The following LRFN2 variants were observed in gnomAD, a reference collection of about 807,000 sequenced individuals.
LRFN2 encodes leucine rich repeat and fibronectin type III domain containing 2.
A neutral mutation model predicts 37.3 loss-of-function variants in LRFN2; 18 were observed. That is an observed-to-expected ratio of 0.48 (90% confidence interval 0.33 to 0.72). The LOEUF is 0.72. Ranked by LOEUF, LRFN2 falls within the 30% of genes least tolerant of loss-of-function variation. The pLI is 0.02. For missense variants in LRFN2, 1,006 were observed against 1,060.7 expected, an observed-to-expected ratio of 0.95 and a Z score of 0.72; for synonymous variants, 556 against 466.6, an observed-to-expected ratio of 1.19 and a Z score of -2.47.
chr6:40,471,900 G>T (rs557997072), intron 1 of LRFN2, among the ~76,000 whole-genome samples: 43 of 152,292 alleles, frequency 2.8e-4, no homozygotes, highest in African/African-American at 1.0e-3. Flanking sequence ...GAGGGTGCCT[G>T]AGTGCCCAGA....
chr6:40,582,127 C>G (rs919121238), intron 1 of LRFN2, among the ~76,000 whole-genome samples: 2 of 152,134 alleles, frequency 1.3e-5, no homozygotes, highest in Non-Finnish European at 2.9e-5. Context: ...AAGAGGGAGC[C>G]TGCTCCTCTG....
chr6:40,580,714 C>T (rs1489969072), intron 1 of LRFN2, among the ~76,000 whole-genome samples: 1 of 152,146 alleles, frequency 6.6e-6, no homozygotes, highest in Non-Finnish European at 1.5e-5. Flanking sequence ...TTGAATGGCA[C>T]CCGCCCATGT....
At chr6:40,522,371 C>A (rs972971378) in intron 1 of LRFN2, among the ~76,000 whole-genome samples, 3 of 152,078 alleles carry the variant, frequency 2.0e-5, no homozygotes, top group African/African-American at 7.2e-5. Context: ...GCCAATTTTG[C>A]AAGAAGAAAA....
At chr6:40,563,358 C>T (rs1414324499) in intron 1 of LRFN2, among the ~76,000 whole-genome samples, 1 of 152,156 alleles carries the variant, frequency 6.6e-6, no homozygotes, top group Non-Finnish European at 1.5e-5. Flanking sequence ...CTCTGGGGGG[C>T]CCTCCAGGGT....
In LRFN2 at chr6:40,392,506, C is replaced by A. The variant is rs777460902; in HGVS notation, c.1807G>T (p.Val603Leu). ...AAGTCCAGGAGCTCGTTGCGCACCACCACCTTCGGCGGGCCCTGCGGCGGG... is the reference window on the plus strand; with the variant it reads ...AAGTCCAGGAGCTCGTTGCGCACCAACACCTTCGGCGGGCCCTGCGGCGGG... ...GAPPQGPPKV[V>L]VRNELLDFTA... The change falls in exon 3 of 3, where the codon GTG becomes TTG. Residue 603 changes from valine to leucine, a missense_variant. By Grantham distance (32) the Val-to-Leu change is conservative. Transcript: ENST00000338305. This position sits in a 1 kb window ranked among gnomAD's most constrained non-coding sequence, Gnocchi z 4.7. The A allele has an allele frequency of 4.4e-6, 7 of 1,586,032 alleles. No individual in the cohort carries two copies. The highest frequency in any genetic ancestry group is 6.0e-6 in the Non-Finnish European group (7 of 1,167,946).
rs1432422549 is a variant in LRFN2, at chr6:40,496,241, A to G, written c.-18-63110T>C. Among the ~76,000 whole-genome samples the G allele has an allele frequency of 3.3e-5, 5 of 151,942 alleles. No individual in the cohort carries two copies. The East Asian group carries it at 5.8e-4, about 18-fold the overall frequency. On this transcript the variant is annotated intron_variant, in intron 1 of 2. Coordinates refer to ENST00000338305, the MANE Select transcript of LRFN2 (RefSeq NM_020737.3). ...CTGGTCCATGTCACCATCCTCTCTC[A>G]CTTGGACCACATTAATCTTCTAATT...
At chr6:40,508,547 C>T (rs1344446384) in intron 1 of LRFN2, among the ~76,000 whole-genome samples, 3 of 152,220 alleles carry the variant, frequency 2.0e-5, no homozygotes, top group Non-Finnish European at 2.9e-5. Flanking sequence ...CAGGAGCCCA[C>T]TTAGATTCAA....
In LRFN2 at chr6:40,572,085, C is replaced by T. The variant is rs929751778; in HGVS notation, c.-19+14856G>A. ...TTCTGCTCCCACGCTTTGCTAACAG[C>T]GTGATGGTTGAGGGTGTAGGGCCAA... On this transcript the variant is annotated intron_variant, in intron 1 of 2. Transcript: ENST00000338305. Among the ~76,000 whole-genome samples the T allele has an allele frequency of 1.4e-4, 21 of 152,324 alleles. No individual in the cohort carries two copies. The East Asian group carries it at 2.1e-3, about 15-fold the overall frequency.
intron 1 of LRFN2, among the ~76,000 whole-genome samples, chr6:40,464,356 G>T (rs546205297): frequency 1.6e-4 from 25 of 152,328 alleles, no homozygotes; most frequent in African/African-American, 5.8e-4. Context: ...ATGCAACAAT[G>T]TTGAGAGTTG....
Position 40,431,731 on chromosome 6 carries a change from A to G in LRFN2, c.1383T>C (p.Asp461=). Residue 461 remains aspartate (D), a synonymous_variant, in exon 2 of 3, where the codon GAT becomes GAC. Coordinates refer to ENST00000338305, the MANE Select transcript of LRFN2 (RefSeq NM_020737.3). The part of the protein sequence containing the change: ...MYQLQYNCSD[D]EVLIYRMIPA... Reference sequence around the variant, plus strand: ...TTGCTCACCTGTAAATCAGTACCTCATCGTCAGAGCAGTTGTACTGCAGCT... The same window carrying G: ...TTGCTCACCTGTAAATCAGTACCTCGTCGTCAGAGCAGTTGTACTGCAGCT... 3.3e-6 allele frequency: 5 copies of G among 1,515,502 alleles called. No homozygotes were observed. The Admixed American group carries it at 6.7e-5, about 20-fold the overall frequency. 93.9% of individuals were successfully genotyped at this position (1,515,502 alleles called of 1,614,324 possible). A position where few individuals can be genotyped will look rare whatever the true frequency, so the allele number is the denominator to read the frequency against.
chr6:40,409,360 C>T (rs1249503066), intron 2 of LRFN2, among the ~76,000 whole-genome samples: 3 of 152,160 alleles, frequency 2.0e-5, no homozygotes, highest in African/African-American at 7.2e-5. Flanking sequence ...GTTTGAGCCT[C>T]GCCTTCACAG....
chr6:40,430,896 C>G (rs925738914), intron 2 of LRFN2, among the ~76,000 whole-genome samples: 35 of 152,102 alleles, frequency 2.3e-4, no homozygotes, highest in African/African-American at 8.0e-4. Flanking sequence ...TAAGTAGGCT[C>G]TAGGGCTGCT....
At chr6:40,518,522 T>C (rs1297135923) in intron 1 of LRFN2, among the ~76,000 whole-genome samples, 3 of 152,084 alleles carry the variant, frequency 2.0e-5, no homozygotes, top group African/African-American at 4.8e-5. Context: ...CTACTGACCA[T>C]AGATGTGAGT....
intron 1 of LRFN2, among the ~76,000 whole-genome samples, chr6:40,535,204 T>C (rs1322957858): frequency 6.6e-6 from 1 of 152,108 alleles, no homozygotes; most frequent in Non-Finnish European, 1.5e-5. Flanking sequence ...TCCCTCTGGG[T>C]CTCAGCCACC....
chr6:40,413,335 G>A (rs915270442), intron 2 of LRFN2, among the ~76,000 whole-genome samples: 6 of 152,174 alleles, frequency 3.9e-5, no homozygotes, highest in Non-Finnish European at 5.9e-5. Flanking sequence ...GTGACTGTCC[G>A]AGATTCACAG....
intron 1 of LRFN2, among the ~76,000 whole-genome samples, chr6:40,436,357 C>T (rs532502822): frequency 1.1e-4 from 16 of 152,204 alleles, no homozygotes; most frequent in Non-Finnish European, 1.6e-4. Flanking sequence ...GTTTACATAT[C>T]GCATGTGGCT....
At position 40,565,545 on chromosome 6, in the gene LRFN2, C is replaced by G. The variant is rs543398106; in HGVS notation, c.-19+21396G>C. ...TTGGTACCAAAACAGAGATATAGAC[C>G]AATGGAACAGAGCAGAGCCCTCAGA... On this transcript the variant is annotated intron_variant, in intron 1 of 2. Coordinates refer to ENST00000338305, the MANE Select transcript of LRFN2 (RefSeq NM_020737.3). Among the ~76,000 whole-genome samples, 325 of 152,270 alleles carry G rather than the reference C, an allele frequency of 2.1e-3. 2 individuals are homozygous for G. The highest frequency in any genetic ancestry group is 6.9e-3 in the African/African-American group (286 of 41,546).
chr6:40,463,549 G>C (rs1764391696), intron 1 of LRFN2, among the ~76,000 whole-genome samples: 1 of 151,954 alleles, frequency 6.6e-6, no homozygotes, highest in African/African-American at 2.4e-5. Context: ...CCACATTCCT[G>C]CCCAGCTCTT....
chr6:40,547,613 T>C (rs1766690792), intron 1 of LRFN2, among the ~76,000 whole-genome samples: 1 of 152,150 alleles, frequency 6.6e-6, no homozygotes, highest in South Asian at 2.1e-4. Context: ...CCAGTGGGCA[T>C]CATGCCCTCT....
Sources: gnomAD v4.1 joint callset for allele counts (sites outside exome capture counted in the v4.1 genomes callset) on GRCh38, gnomAD v4.1.1 for gene constraint, Gnocchi (gnomAD v3.1) non-coding constraint, MANE v1.5 for transcripts, NCBI Gene and HGNC (gene_info 2026-07-23, HGNC 2026-07-21) for gene names.